NAV3: variants seen among roughly 807,000 people sequenced by gnomAD.
The protein encoded by NAV3 is pore membrane and/or filament interacting like protein 1.
In NAV3, 87 loss-of-function variants were observed where a neutral mutation model predicts 244.7. The ratio of observed to expected loss-of-function variants is 0.36; its 90% CI spans 0.30 to 0.42. The LOEUF (loss-of-function observed/expected upper bound fraction) is 0.42. Ranked by LOEUF, NAV3 falls within the 20% of genes least tolerant of loss-of-function variation. NAV3 has a pLI of 1.00. For missense variants in NAV3, 2,663 were observed against 2,893.3 expected, an observed-to-expected ratio of 0.92 and a Z score of 1.83; for synonymous variants, 1,126 against 1,042.2, an observed-to-expected ratio of 1.08 and a Z score of -1.55.
At chr12:77,859,358 A>G (rs567815726) in intron 1 of NAV3, among the ~76,000 whole-genome samples, 1 of 152,222 alleles carries the variant, frequency 6.6e-6, no homozygotes, top group South Asian at 2.1e-4. Context: ...AATCTAACAC[A>G]TAACTCCTAC....
intron 1 of NAV3, among the ~76,000 whole-genome samples, chr12:77,861,569 C>A (rs1879263205): frequency 6.6e-6 from 1 of 151,724 alleles, no homozygotes; most frequent in South Asian, 2.1e-4. Flanking sequence ...TGAAATATGA[C>A]CTCTGCTGAA....
intron 5 of NAV3, among the ~76,000 whole-genome samples, chr12:77,969,677 T>A (rs758211048): frequency 2.0e-5 from 3 of 152,088 alleles, no homozygotes; most frequent in Non-Finnish European, 4.4e-5. Context: ...AAACCCCATC[T>A]CTATGAAAAA....
In NAV3 at chr12:77,830,924, G is replaced by C. The variant is rs558499222; in HGVS notation, c.-538G>C. ...CAGGAAGAACCCCTGTCCTTCCACT[G>C]TTGTGGTCTTTTGGCTGCTCTGACA... On this transcript the variant is annotated 5_prime_UTR_variant, in exon 1 of 40. Coordinates refer to ENST00000397909, the MANE Select transcript of NAV3 (RefSeq NM_001024383.2). The C allele has an allele frequency of 6.6e-6, 1 of 152,088 alleles. No individual in the cohort carries two copies. Among genetic ancestry groups the C allele is most frequent in the Non-Finnish European group, 1.5e-5 (1 of 68,024 alleles). The allele number at this position is 152,088 out of a possible 1,614,324, so 9.4% of individuals were successfully genotyped here.
intron 1 of NAV3, among the ~76,000 whole-genome samples, chr12:77,877,980 G>A (rs1882078298): frequency 1.3e-5 from 2 of 152,046 alleles, no homozygotes; most frequent in Admixed American, 1.3e-4. Flanking sequence ...GTAAAATCAT[G>A]AGAAAAGTAT....
intron 3 of NAV3, among the ~76,000 whole-genome samples, chr12:77,964,122 T>TGA (rs1251505463): frequency 6.6e-6 from 1 of 151,692 alleles, no homozygotes; most frequent in Non-Finnish European, 1.5e-5. Context: ...TGGTGCAAGT[T>TGA]GAGAGAGAGA....
intron 8 of NAV3, among the ~76,000 whole-genome samples, chr12:78,016,043 A>G (rs1324720334): frequency 6.6e-6 from 1 of 152,058 alleles, no homozygotes; most frequent in African/African-American, 2.4e-5. Context: ...CTCCTTTCCA[A>G]CTGCCCTATC....
At chr12:78,040,406 C>A (rs898350875) in intron 9 of NAV3, among the ~76,000 whole-genome samples, 1 of 151,788 alleles carries the variant, frequency 6.6e-6, no homozygotes, top group African/African-American at 2.4e-5. Context: ...ACCAGATAAA[C>A]AATGAATTCA....
In NAV3 at chr12:78,210,597, C is replaced by G. The variant is rs753548017; in HGVS notation, c.*80C>G. 1.3e-6 allele frequency: 2 copies of G among 1,527,610 alleles called. No individual in the cohort carries two copies. The highest frequency in any genetic ancestry group is 1.8e-6 in the Non-Finnish European group (2 of 1,131,400). The allele number at this position is 1,527,610 out of a possible 1,614,324, so 94.6% of individuals were successfully genotyped here. Reference sequence around the variant, plus strand: ...AAAGGTATTTTCACTAAACCACTGCCAGTATAAAAGCACCCTGTCAAGGGC... The same window carrying G: ...AAAGGTATTTTCACTAAACCACTGCGAGTATAAAAGCACCCTGTCAAGGGC... On this transcript the variant is annotated 3_prime_UTR_variant, in exon 40 of 40. Transcript: ENST00000397909.
At chr12:77,910,816 T>C (rs1168243245) in intron 1 of NAV3, among the ~76,000 whole-genome samples, 1 of 152,032 alleles carries the variant, frequency 6.6e-6, no homozygotes, top group Non-Finnish European at 1.5e-5. Flanking sequence ...TACACCCTAA[T>C]AGGTTGGTGG....
intron 23 of NAV3, among the ~76,000 whole-genome samples, chr12:78,163,668 A>T (rs1330847791): frequency 1.3e-5 from 2 of 152,154 alleles, no homozygotes; most frequent in Non-Finnish European, 2.9e-5. Flanking sequence ...CTAAAAGAAG[A>T]CATGTTATAT....
intron 22 of NAV3, among the ~76,000 whole-genome samples, chr12:78,150,685 G>A (rs429924): frequency 0.37 from 49,734 of 134,886 alleles, 8,595 homozygotes; most frequent in East Asian, 0.5. Flanking sequence ...ACACACATAC[G>A]GAACCAAATT....
At chr12:77,758,700 A>G (rs968119530) in intron 2 of NAV3, among the ~76,000 whole-genome samples, 1 of 152,230 alleles carries the variant, frequency 6.6e-6, no homozygotes, top group Non-Finnish European at 1.5e-5. Context: ...TATAGGCAGA[A>G]ATTGGTCTGT....
chr12:78,108,838 T>C (rs1277574838), intron 12 of NAV3, among the ~76,000 whole-genome samples: 1 of 152,046 alleles, frequency 6.6e-6, no homozygotes, highest in Non-Finnish European at 1.5e-5. Context: ...TAGCAATAAA[T>C]GCTTACACTG....
At chr12:78,137,826 C>T (rs983685976) in intron 19 of NAV3, among the ~76,000 whole-genome samples, 1 of 152,064 alleles carries the variant, frequency 6.6e-6, no homozygotes, top group Non-Finnish European at 1.5e-5. Flanking sequence ...ATTGTACCTA[C>T]TTTTTTGCTT....
chr12:77,611,527 CAA>C (rs1036055400), intron 2 of NAV3, among the ~76,000 whole-genome samples: 3 of 151,820 alleles, frequency 2.0e-5, no homozygotes, highest in Admixed American at 2.0e-4. Context: ...GTAGAAAATT[CAA>C]ATGCATAAAA....
At chr12:78,199,919 ATAATT>A (rs1181548198) in intron 37 of NAV3, among the ~76,000 whole-genome samples, 1 of 152,108 alleles carries the variant, frequency 6.6e-6, no homozygotes, top group Non-Finnish European at 1.5e-5. Context: ...CGCTTTGTAG[ATAATT>A]TAAGTGTTTT....
chr12:77,650,050 T>A (rs1372898123), intron 2 of NAV3, among the ~76,000 whole-genome samples: 7 of 152,194 alleles, frequency 4.6e-5, no homozygotes, highest in Non-Finnish European at 1.0e-4. Flanking sequence ...TTGCCTTCCC[T>A]AGATTTGACC....
intron 1 of NAV3, among the ~76,000 whole-genome samples, chr12:77,880,791 C>T (rs552852889): frequency 5.3e-5 from 8 of 152,172 alleles, no homozygotes; most frequent in South Asian, 4.1e-4. Context: ...AACATAAGAA[C>T]GATAGCACAT....
chr12:77,873,744 G>GTGTGTGTGTA (rs776225440), intron 1 of NAV3, among the ~76,000 whole-genome samples: 12 of 73,180 alleles, frequency 1.6e-4, no homozygotes, highest in East Asian at 4.8e-4. Flanking sequence ...ATGTGTGTGT[G>GTGTGTGTGTA]TATATATATA....
Sources: gnomAD v4.1 joint callset for allele counts (sites outside exome capture counted in the v4.1 genomes callset) on GRCh38, gnomAD v4.1.1 for gene constraint, MANE v1.5 for transcripts, NCBI Gene and HGNC (gene_info 2026-07-23, HGNC 2026-07-21) for gene names.